Variants in PGCKA1 observed in about 807,000 individuals in gnomAD.
PGCKA1 encodes the protein PDCD10 and GCKIII kinases associated 1, also known as PDCD10 and GCKIII kinases-associated protein 1.
At chr4:37,564,955 T>TACACAC in the PGCKA1 span, among the ~76,000 whole-genome samples, 2 of 151,468 alleles carry the variant, frequency 1.3e-5, no homozygotes, top group Non-Finnish European at 2.9e-5. Context: ...TTCCACCCCG[T>TACACAC]ACACACACAC....
At chr4:37,462,532 A>C in the PGCKA1 span, among the ~76,000 whole-genome samples, 1 of 152,190 alleles carries the variant, frequency 6.6e-6, no homozygotes, top group Non-Finnish European at 1.5e-5. Context: ...TAATTATTTC[A>C]TGGAAAATTG....
At chr4:37,486,593 C>T in the PGCKA1 span, among the ~76,000 whole-genome samples, 2 of 152,138 alleles carry the variant, frequency 1.3e-5, no homozygotes, top group African/African-American at 4.8e-5. Context: ...ATTGTCAACC[C>T]TTTGCCAAGT....
the PGCKA1 span, among the ~76,000 whole-genome samples, chr4:37,568,146 G>C: frequency 1.0e-3 from 157 of 152,256 alleles, 1 homozygote; most frequent in African/African-American, 3.6e-3. Flanking sequence ...GCACAGGGCC[G>C]GCAAGGCCAG....
the PGCKA1 span, among the ~76,000 whole-genome samples, chr4:37,563,117 T>C: frequency 6.6e-6 from 1 of 152,054 alleles, no homozygotes; most frequent in Non-Finnish European, 1.5e-5. Context: ...CTTCCAGTCT[T>C]GAGTCCGGAA....
chr4:37,565,028 C>T, the PGCKA1 span, among the ~76,000 whole-genome samples: 1 of 152,134 alleles, frequency 6.6e-6, no homozygotes, highest in East Asian at 1.9e-4. Context: ...TACATCTTGT[C>T]TGCTCCAAAC....
the PGCKA1 span, among the ~76,000 whole-genome samples, chr4:37,509,268 C>T: frequency 7.9e-6 from 1 of 126,678 alleles, no homozygotes; most frequent in African/African-American, 3.2e-5. Context: ...GCAGAGGCGC[C>T]CCCCACCTCC....
chr4:37,540,943 C>A, the PGCKA1 span, among the ~76,000 whole-genome samples: 25 of 146,976 alleles, frequency 1.7e-4, no homozygotes, highest in African/African-American at 6.8e-4. Flanking sequence ...GGAAAAAAAC[C>A]CCTTTTTTTT....
At chr4:37,545,417 A>G in the PGCKA1 span, among the ~76,000 whole-genome samples, 1 of 152,196 alleles carries the variant, frequency 6.6e-6, no homozygotes, top group Non-Finnish European at 1.5e-5. Flanking sequence ...GACGGAAAGT[A>G]GAAACCACTC....
the PGCKA1 span, among the ~76,000 whole-genome samples, chr4:37,572,654 T>G: frequency 6.6e-6 from 1 of 152,356 alleles, no homozygotes; most frequent in East Asian, 1.9e-4. Flanking sequence ...TTTAAAATTT[T>G]GGAATATTTG....
At chr4:37,539,953 G>C in the PGCKA1 span, among the ~76,000 whole-genome samples, 1 of 151,958 alleles carries the variant, frequency 6.6e-6, no homozygotes, top group Admixed American at 6.6e-5. Flanking sequence ...ACATTCAAAA[G>C]CCTCTCTTCT....
At chr4:37,569,375 T>C in the PGCKA1 span, among the ~76,000 whole-genome samples, 1 of 151,658 alleles carries the variant, frequency 6.6e-6, no homozygotes, top group African/African-American at 2.4e-5. Flanking sequence ...TTTTTTGTAT[T>C]TTCAGTAGAG....
At chr4:37,527,776 G>A in the PGCKA1 span, among the ~76,000 whole-genome samples, 1 of 151,320 alleles carries the variant, frequency 6.6e-6, no homozygotes, top group Non-Finnish European at 1.5e-5. Context: ...CTTGCAGTGA[G>A]CCGAGATCGC....
chr4:37,465,071 T>G, the PGCKA1 span, among the ~76,000 whole-genome samples: 10 of 152,206 alleles, frequency 6.6e-5, no homozygotes, highest in African/African-American at 2.4e-4. Flanking sequence ...ATAACAAAGG[T>G]GGCATTTATA....
At chr4:37,480,939 C>T in the PGCKA1 span, among the ~76,000 whole-genome samples, 1 of 152,198 alleles carries the variant, frequency 6.6e-6, no homozygotes, top group African/African-American at 2.4e-5. Flanking sequence ...CCTGCTCTGT[C>T]AGAGGTGTCA....
chr4:37,533,285 A>T, the PGCKA1 span, among the ~76,000 whole-genome samples: 1 of 152,066 alleles, frequency 6.6e-6, no homozygotes, highest in East Asian at 1.9e-4. Context: ...GAAAATTAGG[A>T]ATTTAAGCTG....
chr4:37,584,314 G>A, the PGCKA1 span: 1 of 152,274 alleles, frequency 6.6e-6, no homozygotes, highest in African/African-American at 2.4e-5. Flanking sequence ...GGCGAGGTGA[G>A]AGAGGACAGA....
the PGCKA1 span, chr4:37,584,286 T>G: frequency 6.6e-6 from 1 of 152,178 alleles, no homozygotes; most frequent in Non-Finnish European, 1.5e-5. Context: ...GGAATGTTGC[T>G]GGGGAAGGAA....
the PGCKA1 span, among the ~76,000 whole-genome samples, chr4:37,462,904 G>A: frequency 6.7e-6 from 1 of 149,560 alleles, no homozygotes; most frequent in Non-Finnish European, 1.5e-5. Context: ...GCTGAGGCAG[G>A]GGTATGGCAT....
chr4:37,495,057 A>G, the PGCKA1 span, among the ~76,000 whole-genome samples: 8 of 152,262 alleles, frequency 5.3e-5, no homozygotes, highest in South Asian at 1.7e-3. Flanking sequence ...ACCCCATCAA[A>G]AAGTGGGCAA....
Sources: allele counts gnomAD v4.1 joint callset (sites outside exome capture counted in the v4.1 genomes callset), GRCh38; gene constraint gnomAD v4.1.1; transcripts MANE v1.5; gene names NCBI Gene and HGNC (gene_info 2026-07-23, HGNC 2026-07-21).